The following KIF13A variants were observed in gnomAD, a reference collection of about 807,000 sequenced individuals.
The protein encoded by KIF13A is kinesin-like protein KIF13A.
In KIF13A, 79 loss-of-function variants were observed where a neutral mutation model predicts 212.2. That is an observed-to-expected ratio of 0.37 (90% CI 0.31 to 0.45). The LOEUF (loss-of-function observed/expected upper bound fraction) is 0.45, where lower values mean the gene tolerates loss of function less well. Among genes scored for constraint, KIF13A ranks in the 20% least tolerant of loss-of-function variants. The pLI, the probability that KIF13A is intolerant of heterozygous loss-of-function variation, is 1.00. For missense variants in KIF13A, 1,901 were observed against 2,209.0 expected, an observed-to-expected ratio of 0.86 and a Z score of 2.79; for synonymous variants, 789 against 808.6, an observed-to-expected ratio of 0.98 and a Z score of 0.41.
intron 2 of KIF13A, among the ~76,000 whole-genome samples, chr6:17,975,611 G>C (rs535305739): frequency 6.6e-6 from 1 of 152,176 alleles, no homozygotes; most frequent in African/African-American, 2.4e-5. Context: ...CGGGCAGCCT[G>C]CTTTTATTCT....
At chr6:17,782,938 A>G (rs981945768) in intron 29 of KIF13A, among the ~76,000 whole-genome samples, 3 of 152,184 alleles carry the variant, frequency 2.0e-5, no homozygotes, top group Non-Finnish European at 4.4e-5. Flanking sequence ...TGAGGCATAC[A>G]TTCAACATCT....
chr6:17,870,517 T>A (rs1485500571), intron 4 of KIF13A, among the ~76,000 whole-genome samples: 5 of 151,838 alleles, frequency 3.3e-5, no homozygotes, highest in East Asian at 1.9e-4. Flanking sequence ...GCTAGAGTGT[T>A]CTCTGTGGGC....
downstream of KIF13A, among the ~76,000 whole-genome samples, chr6:17,762,977 G>C (rs2150279591): frequency 6.6e-6 from 1 of 152,276 alleles, no homozygotes; most frequent in South Asian, 2.1e-4. Context: ...CTTTTACCAA[G>C]CCTCTTTCTA....
At chr6:17,904,613 T>C (rs1209693763) in intron 2 of KIF13A, among the ~76,000 whole-genome samples, 1 of 151,368 alleles carries the variant, frequency 6.6e-6, no homozygotes, top group African/African-American at 2.4e-5. Context: ...TAAAGGAGGA[T>C]AAATAGCCTG....
intron 4 of KIF13A, among the ~76,000 whole-genome samples, chr6:17,863,388 C>T (rs1306711871): frequency 2.1e-5 from 3 of 145,632 alleles, no homozygotes; most frequent in African/African-American, 5.2e-5. Context: ...TTTTTTTTAA[C>T]ACTGAGAAGG....
chr6:17,983,539 C>T (rs1396253548), intron 2 of KIF13A, among the ~76,000 whole-genome samples: 1 of 147,430 alleles, frequency 6.8e-6, no homozygotes, highest in Non-Finnish European at 1.5e-5. Flanking sequence ...GTTGCCCAGG[C>T]GAGAGTGCAG....
intron 6 of KIF13A, among the ~76,000 whole-genome samples, chr6:17,854,583 T>G: frequency 1.8e-5 from 2 of 111,188 alleles, no homozygotes; most frequent in Non-Finnish European, 3.4e-5. Context: ...TGAGCTGGAG[T>G]CTCCCTCTGT....
At position 17,834,765 on chromosome 6, in the gene KIF13A, A is replaced by T. The variant is rs59117999; in HGVS notation, c.1156-694T>A. ...TGAGCCTCTACAAAGTTAAAACTCT[A>T]TGAACAAGAAAGATGGCAGAGCTTG... is the stretch of plus-strand genomic sequence containing the variant. On this transcript the variant is annotated intron_variant, in intron 11 of 38. Coordinates refer to ENST00000259711, the MANE Select transcript of KIF13A (RefSeq NM_022113.6). This position sits in a 1 kb window ranked among gnomAD's most constrained non-coding sequence, Gnocchi z 4.0. 0.25 allele frequency among the ~76,000 whole-genome samples: 38,563 copies of T among 152,116 alleles called. 5,159 individuals carry two copies. Among genetic ancestry groups the T allele is most frequent in the Admixed American group, 0.34 (5,214 of 15,278 alleles).
At chr6:17,929,070 A>AAC (rs1554117376) in intron 2 of KIF13A, among the ~76,000 whole-genome samples, 1,018 of 52,406 alleles carry the variant, frequency 0.019, 15 homozygotes, top group Middle Eastern at 0.093. Flanking sequence ...AAAAAAAAAA[A>AAC]AAAAAAAAAA....
chr6:17,896,699 T>C (rs1772598379), intron 3 of KIF13A, among the ~76,000 whole-genome samples: 1 of 152,240 alleles, frequency 6.6e-6, no homozygotes, highest in African/African-American at 2.4e-5. Flanking sequence ...AGGCTATATA[T>C]ACTCACTAGA....
chr6:17,987,125 C>G lies in KIF13A; in HGVS notation c.75G>C (p.Lys25Asn). 6.2e-7 allele frequency: 1 copy of G among 1,613,398 alleles called. No homozygotes were observed. The highest frequency in any genetic ancestry group is 2.2e-5 in the East Asian group (1 of 44,806). ...MNRRELELNTKCVVEMEGNQT... is the reference protein window; with the variant it reads ...MNRRELELNTNCVVEMEGNQT... ...GATTCCCTTCCATCTCCACCACGCACTTGGTGTTCAGTTCCAGTTCTGAAA... is the reference window on the plus strand; with the variant it reads ...GATTCCCTTCCATCTCCACCACGCAGTTGGTGTTCAGTTCCAGTTCTGAAA... The change falls in exon 2 of 39, where the codon AAG (lysine) becomes AAC (asparagine). Residue 25 changes from lysine (K) to asparagine (N), a missense_variant. Lys to Asn is a moderately conservative substitution (Grantham distance 94). Coordinates refer to ENST00000259711, the MANE Select transcript of KIF13A (RefSeq NM_022113.6). This position sits in a 1 kb window ranked among gnomAD's most constrained non-coding sequence, Gnocchi z 7.7.
chr6:17,859,643 T>A lies in KIF13A; in HGVS notation c.221-3521A>T, dbSNP rs1429176814. Among the ~76,000 whole-genome samples, 496 of 129,350 alleles carry A rather than the reference T, an allele frequency of 3.8e-3. 5 individuals carry two copies. Among genetic ancestry groups the A allele is most frequent in the African/African-American group, 0.013 (444 of 34,966 alleles). The allele number at this position is 129,350 out of a possible 152,430, so 84.9% of individuals were successfully genotyped here. ...TTTTATATATATATATATATATTTTTTTTTTTTTTTTGAGACGAGTCTTGC... is the reference window on the plus strand; with the variant it reads ...TTTTATATATATATATATATATTTTATTTTTTTTTTTGAGACGAGTCTTGC... On this transcript the variant is annotated intron_variant, in intron 4 of 38. Coordinates refer to ENST00000259711, the MANE Select transcript of KIF13A (RefSeq NM_022113.6).
intron 17 of KIF13A, among the ~76,000 whole-genome samples, chr6:17,813,925 T>A (rs1174928419): frequency 3.3e-5 from 5 of 150,472 alleles, no homozygotes; most frequent in Non-Finnish European, 1.5e-5. Context: ...ATGGTATAAA[T>A]GGTCTATAGA....
chr6:17,911,411 A>AT (rs1440632506), intron 2 of KIF13A, among the ~76,000 whole-genome samples: 1 of 152,228 alleles, frequency 6.6e-6, no homozygotes, highest in Non-Finnish European at 1.5e-5. Flanking sequence ...ACCTCTCCTG[A>AT]TATCAGGTTC....
intron 2 of KIF13A, among the ~76,000 whole-genome samples, chr6:17,913,524 T>C (rs1384845066): frequency 3.3e-5 from 5 of 152,174 alleles, no homozygotes; most frequent in African/African-American, 4.8e-5. Context: ...ACCCCTGCTA[T>C]TCCAGCAGGA....
chr6:17,862,502 T>G (rs1391141508), intron 4 of KIF13A, among the ~76,000 whole-genome samples: 3 of 152,094 alleles, frequency 2.0e-5, no homozygotes, highest in Non-Finnish European at 4.4e-5. Flanking sequence ...TAATCCAATT[T>G]CAAAGATAAA....
At chr6:17,865,879 C>T (rs963999371) in intron 4 of KIF13A, among the ~76,000 whole-genome samples, 1 of 152,192 alleles carries the variant, frequency 6.6e-6, no homozygotes, top group Non-Finnish European at 1.5e-5. Context: ...CAGCATGGCA[C>T]GGCTGACTCA....
downstream of KIF13A, among the ~76,000 whole-genome samples, chr6:17,762,271 G>C (rs1055839894): frequency 1.3e-5 from 2 of 150,012 alleles, no homozygotes; most frequent in Non-Finnish European, 3.0e-5. Context: ...GGAGTGCAGT[G>C]GTGCGATCTT....
chr6:17,931,760 T>C (rs759145387), intron 2 of KIF13A, among the ~76,000 whole-genome samples: 3 of 152,150 alleles, frequency 2.0e-5, no homozygotes, highest in Non-Finnish European at 4.4e-5. Context: ...TGTGTGTTCA[T>C]GACAGCGTAG....
Sources: allele counts gnomAD v4.1 joint callset (sites outside exome capture counted in the v4.1 genomes callset), GRCh38; gene constraint gnomAD v4.1.1; non-coding constraint Gnocchi (gnomAD v3.1); transcripts MANE v1.5; gene names NCBI Gene and HGNC (gene_info 2026-07-23, HGNC 2026-07-21).